The following ST6GALNAC3 variants were observed in gnomAD, a reference collection of about 807,000 sequenced individuals.
ST6GALNAC3 encodes the protein ST6 N-acetylgalactosaminide alpha-2,6-sialyltransferase 3.
A neutral mutation model predicts 32.7 loss-of-function variants in ST6GALNAC3; 25 were observed. The observed-to-expected ratio is 0.76, with a 90% confidence interval of 0.56 to 1.07. The LOEUF (loss-of-function observed/expected upper bound fraction) is 1.07. Ranked by LOEUF, ST6GALNAC3 falls within the 50% of genes least tolerant of loss-of-function variation. The pLI is 0.00. For missense variants in ST6GALNAC3, 355 were observed against 382.4 expected, an observed-to-expected ratio of 0.93 and a Z score of 0.60; for synonymous variants, 129 against 133.1, an observed-to-expected ratio of 0.97 and a Z score of 0.21.
At chr1:76,145,203 A>G (rs1485176773) in intron 1 of ST6GALNAC3, among the ~76,000 whole-genome samples, 2 of 152,186 alleles carry the variant, frequency 1.3e-5, no homozygotes, top group Non-Finnish European at 2.9e-5. Flanking sequence ...ATATGACTTT[A>G]GACCTTGAAC....
At chr1:76,440,626 A>T (rs1656508266) in intron 3 of ST6GALNAC3, among the ~76,000 whole-genome samples, 1 of 152,234 alleles carries the variant, frequency 6.6e-6, no homozygotes, top group African/African-American at 2.4e-5. Flanking sequence ...AAACCACCCA[A>T]GAACATTAGA....
intron 3 of ST6GALNAC3, among the ~76,000 whole-genome samples, chr1:76,583,188 T>C (rs1254538734): frequency 6.6e-6 from 1 of 152,212 alleles, no homozygotes; most frequent in East Asian, 1.9e-4. Context: ...TACTCTATTG[T>C]ACCATACTCA....
chr1:76,185,383 C>T (rs1376423943), intron 1 of ST6GALNAC3, among the ~76,000 whole-genome samples: 1 of 152,146 alleles, frequency 6.6e-6, no homozygotes, highest in African/African-American at 2.4e-5. Context: ...TTTAATGTGA[C>T]ATAATACGAG....
intron 3 of ST6GALNAC3, among the ~76,000 whole-genome samples, chr1:76,549,883 T>G (rs1428259502): frequency 6.6e-6 from 1 of 152,202 alleles, no homozygotes; most frequent in Non-Finnish European, 1.5e-5. Context: ...AATCTTTTAG[T>G]GTGAAATGGC....
intron 3 of ST6GALNAC3, among the ~76,000 whole-genome samples, chr1:76,499,284 A>G (rs1661042354): frequency 6.6e-6 from 1 of 152,184 alleles, no homozygotes; most frequent in South Asian, 2.1e-4. Context: ...AATTGGCAGT[A>G]TTTATTGTAA....
At chr1:76,420,174 T>C (rs969128625) in intron 3 of ST6GALNAC3, among the ~76,000 whole-genome samples, 2 of 152,212 alleles carry the variant, frequency 1.3e-5, no homozygotes, top group Admixed American at 6.6e-5. Context: ...AGGCAGGGCC[T>C]GAGAATTTTC....
chr1:76,209,560 A>C (rs2100567686), intron 1 of ST6GALNAC3, among the ~76,000 whole-genome samples: 1 of 152,296 alleles, frequency 6.6e-6, no homozygotes, highest in South Asian at 2.1e-4. Flanking sequence ...AGGTGTCTTT[A>C]CAGGAGAAGG....
intron 3 of ST6GALNAC3, among the ~76,000 whole-genome samples, chr1:76,429,119 G>A (rs1655583632): frequency 6.6e-6 from 1 of 152,124 alleles, no homozygotes; most frequent in South Asian, 2.1e-4. Flanking sequence ...GTGTGTGTAT[G>A]TGTATGTATG....
chr1:76,334,051 T>G (rs1318330341), intron 2 of ST6GALNAC3, among the ~76,000 whole-genome samples: 1 of 152,222 alleles, frequency 6.6e-6, no homozygotes, highest in Non-Finnish European at 1.5e-5. Flanking sequence ...TTTAATAAGA[T>G]ACCATCTCTT....
chr1:76,490,746 G>A (rs868546024), intron 3 of ST6GALNAC3, among the ~76,000 whole-genome samples: 4 of 151,930 alleles, frequency 2.6e-5, no homozygotes, highest in Non-Finnish European at 4.4e-5. Context: ...CCAGTTCCAC[G>A]TAATAGTCAA....
chr1:76,227,037 G>A (rs1293416529), intron 1 of ST6GALNAC3, among the ~76,000 whole-genome samples: 4 of 152,170 alleles, frequency 2.6e-5, no homozygotes, highest in African/African-American at 9.6e-5. Context: ...TGTTGTTGCT[G>A]CTGTTTTTTC....
At chr1:76,149,146 T>C (rs1650881736) in intron 1 of ST6GALNAC3, among the ~76,000 whole-genome samples, 1 of 152,220 alleles carries the variant, frequency 6.6e-6, no homozygotes, top group South Asian at 2.1e-4. Flanking sequence ...GCTGCTTACT[T>C]TTCTGGCTTA....
intron 3 of ST6GALNAC3, among the ~76,000 whole-genome samples, chr1:76,485,409 T>C (rs1393217025): frequency 6.6e-6 from 1 of 152,208 alleles, no homozygotes; most frequent in East Asian, 1.9e-4. Context: ...AGCCTGTTAT[T>C]GGTCTATTCA....
intron 3 of ST6GALNAC3, among the ~76,000 whole-genome samples, chr1:76,481,101 A>G (rs1422856774): frequency 6.6e-6 from 1 of 152,114 alleles, no homozygotes; most frequent in Non-Finnish European, 1.5e-5. Flanking sequence ...TGATCTTTGA[A>G]TTAATTATTT....
chr1:76,311,682 G>C (rs1646766397), intron 1 of ST6GALNAC3, among the ~76,000 whole-genome samples: 1 of 152,108 alleles, frequency 6.6e-6, no homozygotes, highest in Non-Finnish European at 1.5e-5. Context: ...GTCTGTCATT[G>C]ATGGGCATTT....
chr1:76,086,125 A>G (rs1304422984), intron 1 of ST6GALNAC3, among the ~76,000 whole-genome samples: 1 of 152,196 alleles, frequency 6.6e-6, no homozygotes, highest in South Asian at 2.1e-4. Context: ...GTTCCTGCTG[A>G]TTGCATATCA....
intron 1 of ST6GALNAC3, among the ~76,000 whole-genome samples, chr1:76,099,172 A>G (rs972422240): frequency 1.3e-5 from 2 of 152,088 alleles, no homozygotes; most frequent in African/African-American, 4.8e-5. Flanking sequence ...GATAAGTTTT[A>G]TGATAAGTCT....
At chr1:76,153,485 C>A (rs569950157) in intron 1 of ST6GALNAC3, among the ~76,000 whole-genome samples, 2 of 152,094 alleles carry the variant, frequency 1.3e-5, no homozygotes, top group Non-Finnish European at 2.9e-5. Context: ...CCTGTGCGTG[C>A]GAAATTACAC....
intron 1 of ST6GALNAC3, among the ~76,000 whole-genome samples, chr1:76,148,820 C>T (rs1408556891): frequency 6.6e-6 from 1 of 152,148 alleles, no homozygotes; most frequent in Non-Finnish European, 1.5e-5. Context: ...GTATCACCAC[C>T]TGAAACTTGT....
Sources: gnomAD v4.1 joint callset for allele counts (sites outside exome capture counted in the v4.1 genomes callset) on GRCh38, gnomAD v4.1.1 for gene constraint, MANE v1.5 for transcripts, NCBI Gene and HGNC (gene_info 2026-07-23, HGNC 2026-07-21) for gene names.